ZNF341: variants seen among roughly 807,000 people sequenced by gnomAD.
ZNF341 encodes the protein zinc finger protein 341.
A neutral mutation model predicts 87.7 loss-of-function variants in ZNF341; 52 were observed. The observed-to-expected ratio is 0.59, with a 90% CI of 0.47 to 0.75. The LOEUF (loss-of-function observed/expected upper bound fraction) is 0.75, where lower values mean the gene tolerates loss of function less well. Among genes scored for constraint, ZNF341 ranks in the 30% least tolerant of loss-of-function variants. The pLI is 0.00. For missense variants in ZNF341, 977 were observed against 1,145.9 expected (o/e 0.85, Z 2.13); for synonymous variants, 459 against 472.7 (o/e 0.97, Z 0.38).
At chr20:33,767,166 C>G (rs919050437) in intron 9 of ZNF341, 125 bp downstream of exon 9, 2 of 1,138,082 alleles carry the variant, frequency 1.8e-6, no homozygotes, top group South Asian at 1.6e-5. Flanking sequence ...CGGCTCTATT[C>G]CCCCCGGGTT....
intron 1 of ZNF341, 42 bp from the exon 2 acceptor site, chr20:33,740,860 T>G: frequency 6.3e-7 from 1 of 1,584,238 alleles, no homozygotes; most frequent in Non-Finnish European, 8.7e-7. Context: ...CAGAGCATGA[T>G]GCTGGGCCTA....
At chr20:33,764,543 G>GTATATATATATATATATATATATATT (rs1171402724) in intron 8 of ZNF341, among the ~76,000 whole-genome samples, 1 of 69,338 alleles carries the variant, frequency 1.4e-5, no homozygotes, top group African/African-American at 6.8e-5. Flanking sequence ...GTGTGTATGT[G>GTATATATATATATATATATATATATT]TATATATATA....
intron 5 of ZNF341, among the ~76,000 whole-genome samples, chr20:33,754,906 A>G (rs1184661100): frequency 6.6e-6 from 1 of 152,184 alleles, no homozygotes; most frequent in Admixed American, 6.5e-5. Flanking sequence ...TTACTCAGTA[A>G]TGCCTTGAGT....
chr20:33,747,143 G>A (rs1161354185), intron 3 of ZNF341, among the ~76,000 whole-genome samples: 2 of 152,076 alleles, frequency 1.3e-5, no homozygotes, highest in Non-Finnish European at 2.9e-5. Context: ...AAGGAGGCTG[G>A]GCATATCTCA....
intron 10 of ZNF341, among the ~76,000 whole-genome samples, chr20:33,774,602 A>G (rs73265560): frequency 6.6e-6 from 1 of 152,190 alleles, no homozygotes; most frequent in African/African-American, 2.4e-5. Flanking sequence ...CTGTAGCGCA[A>G]TGTCCAACAA....
intron 10 of ZNF341, among the ~76,000 whole-genome samples, chr20:33,780,690 G>A (rs1227137770): frequency 6.6e-6 from 1 of 151,078 alleles, no homozygotes. Context: ...GATTACAGGT[G>A]TGAGTCACCA....
chr20:33,785,922 G>C (rs1285358663), intron 12 of ZNF341, among the ~76,000 whole-genome samples: 1 of 150,458 alleles, frequency 6.6e-6, no homozygotes, highest in Non-Finnish European at 1.5e-5. Context: ...CCTCCCCCGG[G>C]CCCCCCCCAG....
intron 3 of ZNF341, among the ~76,000 whole-genome samples, chr20:33,747,580 A>C (rs2018955504): frequency 9.1e-6 from 1 of 110,200 alleles, no homozygotes; most frequent in African/African-American, 5.0e-5. Flanking sequence ...CCGCCACTGC[A>C]CTCCAGCCTG....
Position 33,745,288 on chromosome 20 carries a change from G to A in ZNF341, c.328G>A (p.Ala110Thr), listed in dbSNP as rs373744673. The A allele has an allele frequency of 1.9e-6, 3 of 1,611,758 alleles. No individual in the cohort carries two copies. Among genetic ancestry groups the A allele is most frequent in the East Asian group, 2.2e-5 (1 of 44,812 alleles). ...AGCGGTCCAGCAGGCCCCAACTCCT[G>A]CCAATCGCCAGGTATTTGTTCATTT... ...PTAVQQAPTP[A>T]NRQISTYITV... Residue 110 changes from alanine (A) to threonine (T), a missense_variant, in exon 3 of 15, where the codon GCC (alanine) becomes ACC (threonine). This residue lies in a region of ZNF341 where 515 missense variants were observed against 598.2 expected (regional missense o/e 0.86). Coordinates refer to ENST00000375200, the MANE Select transcript of ZNF341 (RefSeq NM_001282933.2).
At chr20:33,786,223 C>T (rs1378395141) in intron 12 of ZNF341, among the ~76,000 whole-genome samples, 4 of 151,856 alleles carry the variant, frequency 2.6e-5, no homozygotes, top group African/African-American at 9.7e-5. Context: ...AGGCTGGTCT[C>T]GAACTCCTGA....
At chr20:33,737,280 A>G (rs1369857433) in intron 1 of ZNF341, among the ~76,000 whole-genome samples, 1 of 152,152 alleles carries the variant, frequency 6.6e-6, no homozygotes, top group Non-Finnish European at 1.5e-5. Context: ...CCTCCTAGAA[A>G]ATTCAGAGAC....
intron 5 of ZNF341, among the ~76,000 whole-genome samples, chr20:33,754,019 A>G (rs1034175533): frequency 6.6e-6 from 1 of 152,114 alleles, no homozygotes; most frequent in Admixed American, 6.6e-5. Flanking sequence ...CTCATCCTCC[A>G]CTAGGTTCTC....
intron 12 of ZNF341, among the ~76,000 whole-genome samples, chr20:33,784,606 CT>C (rs1230405217): frequency 6.8e-6 from 1 of 147,260 alleles, no homozygotes; most frequent in East Asian, 2.0e-4. Flanking sequence ...GTGGAAGGGA[CT>C]TTTTATTCTT....
At chr20:33,777,143 G>A (rs1250315671) in intron 10 of ZNF341, among the ~76,000 whole-genome samples, 2 of 103,784 alleles carry the variant, frequency 1.9e-5, no homozygotes, top group Non-Finnish European at 3.7e-5. Context: ...GCAAAACCCC[G>A]TCTTTACCAA....
chr20:33,747,766 G>C (rs2018964315), intron 3 of ZNF341, among the ~76,000 whole-genome samples: 1 of 146,794 alleles, frequency 6.8e-6, no homozygotes, highest in African/African-American at 2.5e-5. Context: ...GCTGGCCTTG[G>C]CTCACTGCAA....
intron 6 of ZNF341, among the ~76,000 whole-genome samples, chr20:33,757,816 G>C (rs762830885): frequency 2.2e-4 from 33 of 152,184 alleles, no homozygotes; most frequent in Non-Finnish European, 3.5e-4. Context: ...AGAGAAGCTG[G>C]GAAGTGTCTA....
intron 11 of ZNF341, among the ~76,000 whole-genome samples, chr20:33,781,901 A>G (rs747751232): frequency 4.1e-4 from 62 of 152,076 alleles, no homozygotes; most frequent in Non-Finnish European, 2.5e-4. Context: ...GCTGGTCTCA[A>G]ACTCCTGGGC....
At chr20:33,759,204 C>T (rs994058946) in intron 7 of ZNF341, among the ~76,000 whole-genome samples, 1 of 152,186 alleles carries the variant, frequency 6.6e-6, no homozygotes, top group Non-Finnish European at 1.5e-5. Flanking sequence ...ATGCAGGGAT[C>T]CCTTCTGGGC....
chr20:33,791,621 A>G lies in ZNF341; in HGVS notation c.*104A>G. The G allele has an allele frequency of 7.8e-7, 1 of 1,274,790 alleles. No homozygotes were observed. Among genetic ancestry groups the G allele is most frequent in the Non-Finnish European group, 1.0e-6 (1 of 959,012 alleles). 79.0% of individuals were successfully genotyped at this position (1,274,790 alleles called of 1,614,324 possible). On this transcript the variant is annotated 3_prime_UTR_variant, in exon 15 of 15. Transcript: ENST00000375200. Reference sequence around the variant, plus strand: ...CCTTACCAGTGGAAGCGAGCCATCGAGCCATTGGCAGAAATCCTGCTGAAT... The same window carrying G: ...CCTTACCAGTGGAAGCGAGCCATCGGGCCATTGGCAGAAATCCTGCTGAAT...
Sources: gnomAD v4.1 joint callset for allele counts (sites outside exome capture counted in the v4.1 genomes callset) on GRCh38, gnomAD v4.1.1 for gene constraint, gnomAD v4.1.1 regional missense constraint, MANE v1.5 for transcripts, NCBI Gene and HGNC (gene_info 2026-07-23, HGNC 2026-07-21) for gene names.